Variants in ARHGAP6 observed in about 807,000 individuals in gnomAD.
ARHGAP6 encodes the protein Rho GTPase activating protein 6.
A neutral mutation model predicts 55.7 loss-of-function variants in ARHGAP6; 16 were observed. The ratio of observed to expected loss-of-function variants is 0.29; its 90% confidence interval spans 0.19 to 0.44. The LOEUF (loss-of-function observed/expected upper bound fraction) is 0.44, where lower values mean the gene tolerates loss of function less well. ARHGAP6 is among the 20% of genes least tolerant of loss of function. The pLI, the probability that ARHGAP6 is intolerant of heterozygous loss-of-function variation, is 1.00. For synonymous variants in ARHGAP6, 382 were observed against 360.9 expected, an observed-to-expected ratio of 1.06 and a Z score of -0.66; for missense variants, 698 against 808.9, an observed-to-expected ratio of 0.86 and a Z score of 1.66.
chrX:11,174,420 CATT>C (rs1027089059), intron 8 of ARHGAP6, among the ~76,000 whole-genome samples: 3 of 111,350 alleles, frequency 2.7e-5, no homozygotes, highest in African/African-American at 9.8e-5. Flanking sequence ...TGAGGCCAGT[CATT>C]AGAAAATTTC....
At chrX:11,435,159 G>A (rs889022602) in intron 1 of ARHGAP6, among the ~76,000 whole-genome samples, 14 of 111,764 alleles carry the variant, frequency 1.3e-4, no homozygotes, top group African/African-American at 4.2e-4. Context: ...CAATGCACAG[G>A]ACAGCCTCCC....
intron 1 of ARHGAP6, among the ~76,000 whole-genome samples, chrX:11,324,983 C>T (rs748081234): frequency 7.2e-5 from 8 of 111,379 alleles, no homozygotes; most frequent in South Asian, 3.8e-4. Context: ...CTCAGCCTCC[C>T]GAGTAGCTGG....
chrX:11,354,589 C>G (rs1426098556), intron 1 of ARHGAP6, among the ~76,000 whole-genome samples: 4 of 109,724 alleles, frequency 3.6e-5, no homozygotes, highest in African/African-American at 1.3e-4. Flanking sequence ...TCCCCACAAA[C>G]CATATATCCA....
chrX:11,309,587 G>A (rs1399865927), intron 1 of ARHGAP6, among the ~76,000 whole-genome samples: 2 of 111,137 alleles, frequency 1.8e-5, no homozygotes, highest in African/African-American at 3.3e-5. Context: ...TTAAAAAGTT[G>A]AGATAAATGA....
At chrX:11,167,918 G>A (rs1439027051) in intron 9 of ARHGAP6, among the ~76,000 whole-genome samples, 1 of 112,018 alleles carries the variant, frequency 8.9e-6, no homozygotes, top group African/African-American at 3.2e-5. Context: ...TTTTTTGAGA[G>A]CTTAGCATGT....
At chrX:11,508,973 C>T (rs1472526568) in intron 1 of ARHGAP6, among the ~76,000 whole-genome samples, 1 of 111,056 alleles carries the variant, frequency 9.0e-6, no homozygotes, top group Non-Finnish European at 1.9e-5. Context: ...TTTACCATCC[C>T]TCACCAACAT....
intron 1 of ARHGAP6, among the ~76,000 whole-genome samples, chrX:11,395,493 A>T (rs1021624709): frequency 1.2e-4 from 14 of 112,200 alleles, no homozygotes; most frequent in Middle Eastern, 9.3e-3. Flanking sequence ...CATAATATAA[A>T]TACTCATTGT....
At chrX:11,389,647 C>T (rs1171429394) in intron 1 of ARHGAP6, among the ~76,000 whole-genome samples, 3 of 112,195 alleles carry the variant, frequency 2.7e-5, no homozygotes, top group Admixed American at 1.9e-4. Context: ...TTTACATGTC[C>T]TAAATAATAC....
intron 1 of ARHGAP6, among the ~76,000 whole-genome samples, chrX:11,552,555 CATATATATATATATATATATATATATAT>C (rs59008705): frequency 0.021 from 263 of 12,542 alleles, 21 homozygotes; most frequent in Middle Eastern, 0.083. Flanking sequence ...GAAAATGTGC[CATATATATATATATATATATATATATAT>C]ATATATATAT....
chrX:11,185,055 C>T (rs922671997), intron 5 of ARHGAP6, among the ~76,000 whole-genome samples: 37 of 111,319 alleles, frequency 3.3e-4, no homozygotes, highest in Non-Finnish European at 6.2e-4. Flanking sequence ...AGTAAAGGTA[C>T]AGTAAAAATA....
In ARHGAP6 at chrX:11,315,499, G is replaced by A. The variant is rs1166201930; in HGVS notation, c.589-60792C>T. Reference sequence around the variant, plus strand: ...ACTGGTACTGGTCTGCGGCCCGGGGGTCGGGAACCCCTGTTTTAGATGATA... The same window carrying A: ...ACTGGTACTGGTCTGCGGCCCGGGGATCGGGAACCCCTGTTTTAGATGATA... On this transcript the variant is annotated intron_variant, in intron 1 of 12. Coordinates refer to ENST00000337414, the MANE Select transcript of ARHGAP6 (RefSeq NM_013427.3). Among the ~76,000 whole-genome samples, 10 of 111,792 alleles carry A rather than the reference G, an allele frequency of 8.9e-5. No homozygotes were observed. The Admixed American group carries it at 9.5e-4, about 11-fold the overall frequency.
intron 1 of ARHGAP6, among the ~76,000 whole-genome samples, chrX:11,541,546 C>T (rs1455925214): frequency 8.9e-6 from 1 of 111,956 alleles, no homozygotes. Flanking sequence ...CTCTGGATAT[C>T]AAATGATCAG....
chrX:11,458,421 G>A (rs1300551098), intron 1 of ARHGAP6, among the ~76,000 whole-genome samples: 3 of 112,187 alleles, frequency 2.7e-5, no homozygotes, highest in Non-Finnish European at 5.6e-5. Context: ...CAAATTGCTT[G>A]TGGGTTACTA....
intron 1 of ARHGAP6, among the ~76,000 whole-genome samples, chrX:11,377,084 C>T (rs2049209959): frequency 8.9e-6 from 1 of 111,972 alleles, no homozygotes; most frequent in Non-Finnish European, 1.9e-5. Flanking sequence ...GAGTCCCATA[C>T]CTCATGCTTC....
intron 1 of ARHGAP6, among the ~76,000 whole-genome samples, chrX:11,557,120 GGA>G (rs1401610260): frequency 1.8e-5 from 2 of 112,422 alleles, no homozygotes; most frequent in African/African-American, 6.5e-5. Context: ...AGAAGAAAAA[GGA>G]GATATTCACG....
intron 1 of ARHGAP6, among the ~76,000 whole-genome samples, chrX:11,448,866 T>A (rs967482598): frequency 1.8e-5 from 2 of 111,749 alleles, no homozygotes; most frequent in Non-Finnish European, 3.8e-5. Flanking sequence ...ATACCAAACA[T>A]TATCCACACT....
intron 1 of ARHGAP6, among the ~76,000 whole-genome samples, chrX:11,273,593 G>A (rs758993901): frequency 1.3e-3 from 149 of 110,936 alleles, no homozygotes; most frequent in African/African-American, 4.3e-3. Context: ...ATTTGTGCAC[G>A]TTCACATTTT....
intron 1 of ARHGAP6, among the ~76,000 whole-genome samples, chrX:11,631,417 T>C (rs1478810375): frequency 1.8e-5 from 2 of 109,672 alleles, no homozygotes; most frequent in African/African-American, 6.6e-5. Context: ...CCTAGCTACT[T>C]GGGAGGCCAG....
chrX:11,528,516 A>G (rs142274456), intron 1 of ARHGAP6, among the ~76,000 whole-genome samples: 6,775 of 111,961 alleles, frequency 0.061, 229 homozygotes, highest in East Asian at 0.18. Flanking sequence ...AGCAGGGTCC[A>G]CAGGGTTTCC....
Sources: gnomAD v4.1 joint callset for allele counts (sites outside exome capture counted in the v4.1 genomes callset) on GRCh38, gnomAD v4.1.1 for gene constraint, MANE v1.5 for transcripts, NCBI Gene and HGNC (gene_info 2026-07-23, HGNC 2026-07-21) for gene names.